CDH13: variants seen among roughly 807,000 people sequenced by gnomAD.
The protein encoded by CDH13 is cadherin 13, also known as cadherin-13.
In CDH13, 24 loss-of-function variants were observed where a neutral mutation model predicts 63.8. The ratio of observed to expected loss-of-function variants is 0.38; its 90% CI spans 0.27 to 0.53. The LOEUF is 0.53. Among genes scored for constraint, CDH13 ranks in the 20% least tolerant of loss-of-function variants. The probability of loss-of-function intolerance (pLI) is 0.85; values close to 1 mark genes in which losing one functional copy is unlikely to be tolerated. For missense variants in CDH13, 1,049 were observed against 903.1 expected, an observed-to-expected ratio of 1.16 and a Z score of -2.07; for synonymous variants, 503 against 355.3, an observed-to-expected ratio of 1.42 and a Z score of -4.67.
At chr16:82,885,519 TCATCCATCCATCCATCCATC>T (rs560468596) in intron 2 of CDH13, among the ~76,000 whole-genome samples, 5 of 145,004 alleles carry the variant, frequency 3.4e-5, no homozygotes, top group African/African-American at 1.0e-4. Flanking sequence ...ATCTATCCAT[TCATCCATCCATCCATCCATC>T]CATCCAGCCA....
At chr16:83,466,091 G>T (rs1051944927) in intron 6 of CDH13, among the ~76,000 whole-genome samples, 1 of 152,162 alleles carries the variant, frequency 6.6e-6, no homozygotes, top group Non-Finnish European at 1.5e-5. Flanking sequence ...GCAACCCCAT[G>T]GTCAAGCAGC....
chr16:83,423,740 A>T (rs919427863), intron 6 of CDH13, among the ~76,000 whole-genome samples: 2 of 152,176 alleles, frequency 1.3e-5, no homozygotes. Flanking sequence ...TAGGATCAAA[A>T]CATGTGTTTC....
intron 13 of CDH13, among the ~76,000 whole-genome samples, chr16:83,789,337 C>CTTTTTTTTTTTTTTTT (rs148503283): frequency 5.4e-4 from 71 of 132,282 alleles, no homozygotes; most frequent in African/African-American, 1.8e-3. Flanking sequence ...TAGTAGCTTT[C>CTTTTTTTTTTTTTTTT]TTTTTTTTTG....
chr16:82,786,114 T>C (rs567087921), intron 1 of CDH13, among the ~76,000 whole-genome samples: 1 of 151,954 alleles, frequency 6.6e-6, no homozygotes, highest in Non-Finnish European at 1.5e-5. Flanking sequence ...TCAGAATGAG[T>C]TAGGGTGGAG....
At chr16:82,778,845 T>G (rs2035621662) in intron 1 of CDH13, among the ~76,000 whole-genome samples, 2 of 152,170 alleles carry the variant, frequency 1.3e-5, no homozygotes, top group Non-Finnish European at 2.9e-5. Flanking sequence ...ATGGTGGATT[T>G]AAAATGCTTA....
At chr16:83,597,576 CTG>C (rs1907389006) in intron 7 of CDH13, among the ~76,000 whole-genome samples, 1 of 152,116 alleles carries the variant, frequency 6.6e-6, no homozygotes, top group African/African-American at 2.4e-5. Flanking sequence ...TTTGAAATGA[CTG>C]TTTTATTTTT....
chr16:83,167,493 C>T (rs1046075002), intron 4 of CDH13, among the ~76,000 whole-genome samples: 11 of 112,338 alleles, frequency 9.8e-5, no homozygotes, highest in African/African-American at 4.3e-4. Context: ...GAGTGAGACC[C>T]TTTCCCAAAA....
intron 2 of CDH13, among the ~76,000 whole-genome samples, chr16:82,942,929 CAG>C (rs1344509747): frequency 2.0e-5 from 3 of 152,280 alleles, no homozygotes; most frequent in South Asian, 2.1e-4. Context: ...TGTTTAACTT[CAG>C]AGTCTGTGCT....
chr16:83,179,732 C>T (rs1053846121), intron 4 of CDH13, among the ~76,000 whole-genome samples: 8 of 151,936 alleles, frequency 5.3e-5, no homozygotes, highest in Admixed American at 1.3e-4. Flanking sequence ...AGTTTGAATT[C>T]GTCTCCCCAG....
intron 1 of CDH13, among the ~76,000 whole-genome samples, chr16:82,820,712 G>C (rs1241144383): frequency 6.6e-6 from 1 of 152,194 alleles, no homozygotes; most frequent in Non-Finnish European, 1.5e-5. Context: ...ATGTAAATGT[G>C]AGACTCACAC....
intron 1 of CDH13, among the ~76,000 whole-genome samples, chr16:82,664,415 C>T (rs1417369622): frequency 6.6e-6 from 1 of 152,192 alleles, no homozygotes; most frequent in Admixed American, 6.5e-5. Context: ...TGCAGCTTGG[C>T]TACAGCTCTG....
At chr16:83,165,682 T>C (rs1231619810) in intron 4 of CDH13, among the ~76,000 whole-genome samples, 1 of 152,036 alleles carries the variant, frequency 6.6e-6, no homozygotes, top group African/African-American at 2.4e-5. Context: ...ATGTGTAAGT[T>C]AAAAAGATGG....
At chr16:83,096,194 C>G (rs954930645) in intron 3 of CDH13, among the ~76,000 whole-genome samples, 4 of 152,204 alleles carry the variant, frequency 2.6e-5, no homozygotes, top group African/African-American at 7.2e-5. Flanking sequence ...TATGTGTGGA[C>G]TTTGTCCTTG....
intron 1 of CDH13, among the ~76,000 whole-genome samples, chr16:82,754,030 T>C (rs1255479814): frequency 1.3e-5 from 2 of 152,250 alleles, no homozygotes; most frequent in African/African-American, 4.8e-5. Context: ...CTTCGGTTAG[T>C]GCTCACGCTT....
At chr16:83,450,784 G>A (rs1035845360) in intron 6 of CDH13, among the ~76,000 whole-genome samples, 1 of 152,162 alleles carries the variant, frequency 6.6e-6, no homozygotes, top group African/African-American at 2.4e-5. Flanking sequence ...GCAGGAGAAT[G>A]GCGTGAACCC....
intron 6 of CDH13, among the ~76,000 whole-genome samples, chr16:83,441,811 C>T (rs1299096908): frequency 6.6e-6 from 1 of 152,152 alleles, no homozygotes; most frequent in Non-Finnish European, 1.5e-5. Flanking sequence ...ACCCTATACT[C>T]TACTCCAAAA....
intron 2 of CDH13, among the ~76,000 whole-genome samples, chr16:82,991,013 G>C (rs1327665317): frequency 6.6e-6 from 1 of 152,160 alleles, no homozygotes; most frequent in East Asian, 1.9e-4. Context: ...GGGCAGTAGT[G>C]GTGCCTACCA....
chr16:82,633,883 T>C (rs1269924584), intron 1 of CDH13, among the ~76,000 whole-genome samples: 1 of 152,202 alleles, frequency 6.6e-6, no homozygotes, highest in Non-Finnish European at 1.5e-5. Flanking sequence ...ATGATTCTTG[T>C]TTTCCATAGC....
intron 6 of CDH13, among the ~76,000 whole-genome samples, chr16:83,351,240 A>G (rs1336646248): frequency 6.8e-6 from 1 of 147,480 alleles, no homozygotes; most frequent in Non-Finnish European, 1.5e-5. Flanking sequence ...TGCCCCAACC[A>G]ATCCTATGTG....
Sources: allele counts gnomAD v4.1 joint callset (sites outside exome capture counted in the v4.1 genomes callset), GRCh38; gene constraint gnomAD v4.1.1; transcripts MANE v1.5; gene names NCBI Gene and HGNC (gene_info 2026-07-23, HGNC 2026-07-21).